GRIK4: variants seen among roughly 807,000 people sequenced by gnomAD.
GRIK4 encodes glutamate ionotropic receptor kainate type subunit 4.
Under a neutral mutation model 104.9 loss-of-function variants are expected in GRIK4, and 40 were observed. The ratio of observed to expected loss-of-function variants is 0.38; its 90% CI spans 0.30 to 0.50. GRIK4 has a LOEUF of 0.50. Among genes scored for constraint, GRIK4 ranks in the 20% least tolerant of loss-of-function variants. The pLI is 0.93. For missense variants in GRIK4, 1,047 were observed against 1,308.1 expected, an observed-to-expected ratio of 0.80 and a Z score of 3.08; for synonymous variants, 485 against 524.9, an observed-to-expected ratio of 0.92 and a Z score of 1.04.
At chr11:120,812,439 A>G (rs1952848389) in intron 4 of GRIK4, among the ~76,000 whole-genome samples, 2 of 152,226 alleles carry the variant, frequency 1.3e-5, no homozygotes, top group Admixed American at 1.3e-4. Context: ...TTTTCCTCAT[A>G]GAAGTGTGGA....
At chr11:120,985,867 T>G (rs1327117016) in intron 20 of GRIK4, 37 bp from the exon 21 acceptor site, 1 of 1,546,440 alleles carries the variant, frequency 6.5e-7, no homozygotes, top group Middle Eastern at 1.7e-4. Flanking sequence ...CGGGGGCTGG[T>G]TGAGAGGCTG....
intron 3 of GRIK4, among the ~76,000 whole-genome samples, chr11:120,713,116 G>C (rs1037953534): frequency 6.6e-6 from 1 of 152,184 alleles, no homozygotes; most frequent in Admixed American, 6.5e-5. Flanking sequence ...CATGTCAAGC[G>C]TGTGGTTCTA....
intron 1 of GRIK4, among the ~76,000 whole-genome samples, chr11:120,623,383 T>C (rs1949213513): frequency 6.6e-6 from 1 of 152,156 alleles, no homozygotes; most frequent in African/African-American, 2.4e-5. Flanking sequence ...TCCTCCCGCC[T>C]TGGACTCCCA....
intron 13 of GRIK4, among the ~76,000 whole-genome samples, chr11:120,917,315 A>AAAG (rs1943132216): frequency 1.3e-5 from 2 of 151,888 alleles, no homozygotes. Flanking sequence ...AAAAGAAAAG[A>AAAG]AAGCCAGGCT....
intron 6 of GRIK4, among the ~76,000 whole-genome samples, chr11:120,828,007 C>A (rs1160321226): frequency 6.6e-6 from 1 of 152,220 alleles, no homozygotes; most frequent in Non-Finnish European, 1.5e-5. Context: ...TGCCTCATGA[C>A]AGCCCTTCCT....
intron 3 of GRIK4, among the ~76,000 whole-genome samples, chr11:120,719,715 A>G (rs1950896922): frequency 1.3e-5 from 2 of 152,228 alleles, no homozygotes; most frequent in African/African-American, 4.8e-5. Context: ...TCTGAAATGA[A>G]ATAGTTACAT....
chr11:120,969,233 A>G (rs1264808639), intron 19 of GRIK4, among the ~76,000 whole-genome samples: 1 of 152,174 alleles, frequency 6.6e-6, no homozygotes, highest in Non-Finnish European at 1.5e-5. Flanking sequence ...TGGGGGGTGA[A>G]GTGCGGAGAT....
chr11:120,686,477 C>T (rs1950278368), intron 3 of GRIK4, among the ~76,000 whole-genome samples: 1 of 152,226 alleles, frequency 6.6e-6, no homozygotes, highest in Non-Finnish European at 1.5e-5. Context: ...AGGCCAGGCT[C>T]ATGGCCTTAC....
intron 1 of GRIK4, among the ~76,000 whole-genome samples, chr11:120,597,378 T>C (rs1948817290): frequency 6.6e-6 from 1 of 152,198 alleles, no homozygotes; most frequent in South Asian, 2.1e-4. Flanking sequence ...CTCTTGGGGC[T>C]GCACACGGTG....
chr11:120,917,896 T>C (rs1019410826), intron 13 of GRIK4, among the ~76,000 whole-genome samples: 6 of 152,244 alleles, frequency 3.9e-5, no homozygotes, highest in Admixed American at 1.3e-4. Context: ...GCAAAGGAAA[T>C]GAAAATGTAT....
chr11:120,940,412 T>C lies in GRIK4; in HGVS notation c.1542T>C (p.Ser514=). The part of the protein sequence containing the change: ...TAEREKVIDF[S]KPFMTLGISI... ...AACGGGAGAAGGTGATTGATTTCTC[T>C]AAGCCATTCATGACTCTGGGAATTA... Residue 514 remains serine, a synonymous_variant, in exon 14 of 21, where the codon TCT becomes TCC. Coordinates refer to ENST00000527524, the MANE Select transcript of GRIK4 (RefSeq NM_014619.5). This position sits in a 1 kb window ranked among gnomAD's most constrained non-coding sequence, Gnocchi z 4.3. The C allele has an allele frequency of 6.2e-7, 1 of 1,613,382 alleles. No individual in the cohort carries two copies. Among genetic ancestry groups the C allele is most frequent in the Non-Finnish European group, 8.5e-7 (1 of 1,179,266 alleles).
In GRIK4 at chr11:120,535,682, A is replaced by G. The variant is rs868416671; in HGVS notation, c.-159+23795A>G. 2.0e-5 allele frequency among the ~76,000 whole-genome samples: 3 copies of G among 152,376 alleles called. No individual in the cohort carries two copies. In the Middle Eastern group the frequency reaches 0.01, roughly 518 times the overall value. On this transcript the variant is annotated intron_variant, in intron 1 of 20. Coordinates refer to ENST00000527524, the MANE Select transcript of GRIK4 (RefSeq NM_014619.5). Reference sequence around the variant, plus strand: ...GCGAGGATTAAATGAGTTAAAATGCATGAAACACTTACTACCTGAGCACGG... The same window carrying G: ...GCGAGGATTAAATGAGTTAAAATGCGTGAAACACTTACTACCTGAGCACGG...
At chr11:120,739,738 G>A (rs571567382) in intron 3 of GRIK4, among the ~76,000 whole-genome samples, 2 of 152,302 alleles carry the variant, frequency 1.3e-5, no homozygotes, top group East Asian at 1.9e-4. Flanking sequence ...TGTGTGTCTC[G>A]GACTTTCTGT....
At chr11:120,722,926 T>C (rs943412605) in intron 3 of GRIK4, among the ~76,000 whole-genome samples, 11 of 152,220 alleles carry the variant, frequency 7.2e-5, no homozygotes, top group African/African-American at 2.4e-4. Flanking sequence ...TTTTCCTTAA[T>C]GAAGTTTAAA....
At chr11:120,830,479 G>A (rs915674200) in intron 6 of GRIK4, among the ~76,000 whole-genome samples, 3 of 152,162 alleles carry the variant, frequency 2.0e-5, no homozygotes, top group Non-Finnish European at 2.9e-5. Flanking sequence ...GGCCTGGGTG[G>A]TGAGTAACCT....
chr11:120,599,617 G>C (rs1307464472), intron 1 of GRIK4, among the ~76,000 whole-genome samples: 2 of 152,342 alleles, frequency 1.3e-5, no homozygotes, highest in African/African-American at 2.4e-5. Flanking sequence ...CCTCCCTCTT[G>C]TGCTTCCAGG....
At chr11:120,551,490 A>G (rs1236728530) in intron 1 of GRIK4, among the ~76,000 whole-genome samples, 1 of 152,084 alleles carries the variant, frequency 6.6e-6, no homozygotes, top group Non-Finnish European at 1.5e-5. Flanking sequence ...AAATTTTTAC[A>G]TGGTTGTTGG....
At chr11:120,520,841 T>C (rs1947789908) in intron 1 of GRIK4, among the ~76,000 whole-genome samples, 1 of 152,174 alleles carries the variant, frequency 6.6e-6, no homozygotes, top group Admixed American at 6.5e-5. Context: ...TCCCCTAGCC[T>C]AGTTCAGTTC....
chr11:120,759,789 G>C (rs1399782352), intron 3 of GRIK4, among the ~76,000 whole-genome samples: 1 of 151,964 alleles, frequency 6.6e-6, no homozygotes, highest in East Asian at 1.9e-4. Flanking sequence ...TAGGCTTTGT[G>C]GGCCATATGG....
Sources: allele counts gnomAD v4.1 joint callset (sites outside exome capture counted in the v4.1 genomes callset), GRCh38; gene constraint gnomAD v4.1.1; non-coding constraint Gnocchi (gnomAD v3.1); transcripts MANE v1.5; gene names NCBI Gene and HGNC (gene_info 2026-07-23, HGNC 2026-07-21).